The following PPARGC1A variants were observed in gnomAD, a reference collection of about 807,000 sequenced individuals.
PPARGC1A encodes the protein PPARG coactivator 1 alpha.
A neutral mutation model predicts 88.7 loss-of-function variants in PPARGC1A; 25 were observed. The ratio of observed to expected loss-of-function variants is 0.28; its 90% CI spans 0.21 to 0.39. The LOEUF (loss-of-function observed/expected upper bound fraction) is 0.39, where lower values mean the gene tolerates loss of function less well. Ranked by LOEUF, PPARGC1A falls within the 10% of genes least tolerant of loss-of-function variation. The probability of loss-of-function intolerance (pLI) is 1.00; values close to 1 mark genes in which losing one functional copy is unlikely to be tolerated. For synonymous variants in PPARGC1A, 363 were observed against 355.6 expected (o/e 1.02, Z -0.24); for missense variants, 880 against 968.7 (o/e 0.91, Z 1.22).
At chr4:24,128,052 T>A in the PPARGC1A span, among the ~76,000 whole-genome samples, 6 of 152,182 alleles carry the variant, frequency 3.9e-5, no homozygotes, top group African/African-American at 7.2e-5. Flanking sequence ...CATATGGGAA[T>A]GACCTCCCAT....
chr4:23,819,874 T>C (rs1343965578), intron 7 of PPARGC1A, among the ~76,000 whole-genome samples: 2 of 152,168 alleles, frequency 1.3e-5, no homozygotes, highest in Non-Finnish European at 2.9e-5. Flanking sequence ...AGTTCTCTGA[T>C]GCTATGCTTT....
the PPARGC1A span, among the ~76,000 whole-genome samples, chr4:24,443,688 T>C: frequency 1.6e-3 from 246 of 151,924 alleles, no homozygotes; most frequent in African/African-American, 4.7e-3. Context: ...CCTGAGTAGC[T>C]GGGATTACAG....
the PPARGC1A span, among the ~76,000 whole-genome samples, chr4:24,030,629 C>T: frequency 7.9e-5 from 12 of 152,184 alleles, no homozygotes; most frequent in African/African-American, 2.2e-4. Flanking sequence ...ACCTCATCCA[C>T]AATTCTCACT....
the PPARGC1A span, among the ~76,000 whole-genome samples, chr4:24,350,372 T>A: frequency 4.6e-5 from 7 of 152,284 alleles, no homozygotes; most frequent in Non-Finnish European, 8.8e-5. Flanking sequence ...CTTACACAAA[T>A]AGCATCTGAA....
chr4:24,090,060 T>A, the PPARGC1A span, among the ~76,000 whole-genome samples: 1 of 152,228 alleles, frequency 6.6e-6, no homozygotes, highest in Admixed American at 6.5e-5. Context: ...AAACATTTTA[T>A]CCACAGAGAT....
chr4:24,044,316 A>G, the PPARGC1A span, among the ~76,000 whole-genome samples: 1 of 152,192 alleles, frequency 6.6e-6, no homozygotes, highest in Non-Finnish European at 1.5e-5. Flanking sequence ...TCGTCTTTTA[A>G]AAGACCTTGA....
At chr4:24,179,082 T>C in the PPARGC1A span, among the ~76,000 whole-genome samples, 1 of 152,180 alleles carries the variant, frequency 6.6e-6, no homozygotes, top group Non-Finnish European at 1.5e-5. Flanking sequence ...ACTCTTCACA[T>C]CTCTTTATGA....
chr4:23,817,612 C>T (rs917178037), intron 7 of PPARGC1A, among the ~76,000 whole-genome samples: 1 of 152,088 alleles, frequency 6.6e-6, no homozygotes, highest in African/African-American at 2.4e-5. Context: ...GAAATTTCTG[C>T]GGGCACCATT....
intron 2 of PPARGC1A, among the ~76,000 whole-genome samples, chr4:23,849,477 T>A (rs943152085): frequency 6.6e-6 from 1 of 152,100 alleles, no homozygotes; most frequent in Non-Finnish European, 1.5e-5. Context: ...TGCCTTCAAT[T>A]TGGAATAGCT....
At chr4:23,903,171 A>G (rs1047881896), upstream of PPARGC1A, among the ~76,000 whole-genome samples, 5 of 152,314 alleles carry the variant, frequency 3.3e-5, no homozygotes, top group African/African-American at 1.2e-4. Flanking sequence ...TATTTACTCT[A>G]TTTTTAGGAC....
the PPARGC1A span, among the ~76,000 whole-genome samples, chr4:24,200,655 C>CATAAAAAAAAAAAAAAAAA: frequency 1.1e-5 from 1 of 88,316 alleles, no homozygotes; most frequent in Non-Finnish European, 2.2e-5. Flanking sequence ...ATTTATTAAG[C>CATAAAAAAAAAAAAAAAAA]AAAAAAAAAA....
At chr4:24,424,258 C>CATTTTTT in the PPARGC1A span, among the ~76,000 whole-genome samples, 1 of 44,316 alleles carries the variant, frequency 2.3e-5, no homozygotes, top group Non-Finnish European at 3.7e-5. Context: ...TATACACACA[C>CATTTTTT]TTTTTTTTTT....
chr4:24,231,136 C>G, the PPARGC1A span, among the ~76,000 whole-genome samples: 2 of 152,048 alleles, frequency 1.3e-5, no homozygotes, highest in Non-Finnish European at 2.9e-5. Context: ...AGAGAAAAAT[C>G]AAAGTCCATT....
chr4:24,335,870 C>T, the PPARGC1A span, among the ~76,000 whole-genome samples: 1 of 152,112 alleles, frequency 6.6e-6, no homozygotes, highest in South Asian at 2.1e-4. Flanking sequence ...TTATTTATTG[C>T]CTAGTGCTAC....
At chr4:24,197,781 C>T in the PPARGC1A span, among the ~76,000 whole-genome samples, 4 of 152,336 alleles carry the variant, frequency 2.6e-5, no homozygotes, top group Non-Finnish European at 5.9e-5. Flanking sequence ...CAGAAGTCAT[C>T]GAGCTGCCAG....
the PPARGC1A span, among the ~76,000 whole-genome samples, chr4:24,345,249 G>A: frequency 1.6e-4 from 23 of 147,216 alleles, no homozygotes; most frequent in Non-Finnish European, 3.0e-4. Context: ...TTCTCTTTTG[G>A]TTCCATACGA....
chr4:24,273,626 A>C, the PPARGC1A span, among the ~76,000 whole-genome samples: 10 of 152,180 alleles, frequency 6.6e-5, no homozygotes, highest in Non-Finnish European at 1.5e-4. Context: ...GGTTAGAGAC[A>C]AAAACAACCA....
chr4:24,241,452 T>C, the PPARGC1A span, among the ~76,000 whole-genome samples: 5 of 152,172 alleles, frequency 3.3e-5, no homozygotes, highest in African/African-American at 4.8e-5. Flanking sequence ...ATCTGAAAAA[T>C]AAAATGCTTC....
chr4:24,295,287 C>T, the PPARGC1A span, among the ~76,000 whole-genome samples: 168 of 152,318 alleles, frequency 1.1e-3, no homozygotes, highest in Middle Eastern at 6.8e-3. Context: ...AAGCCAAAAC[C>T]TCTCTTGACG....
Sources: gnomAD v4.1 joint callset for allele counts (sites outside exome capture counted in the v4.1 genomes callset) on GRCh38, gnomAD v4.1.1 for gene constraint, MANE v1.5 for transcripts, NCBI Gene and HGNC (gene_info 2026-07-23, HGNC 2026-07-21) for gene names.